Variants in PARM1 observed in about 807,000 individuals in gnomAD.
PARM1 encodes prostate androgen-regulated mucin-like protein 1.
Under a neutral mutation model 24.6 loss-of-function variants are expected in PARM1, and 14 were observed. The ratio of observed to expected loss-of-function variants is 0.57; its 90% confidence interval spans 0.38 to 0.89. The LOEUF (loss-of-function observed/expected upper bound fraction) is 0.89, where lower values mean the gene tolerates loss of function less well. PARM1 is among the 40% of genes least tolerant of loss of function. The pLI is 0.00. For synonymous variants in PARM1, 179 were observed against 156.6 expected (o/e 1.14, Z -1.07); for missense variants, 362 against 380.4 (o/e 0.95, Z 0.40).
chr4:74,961,212 A>G (rs962217888), intron 1 of PARM1, among the ~76,000 whole-genome samples: 1 of 152,176 alleles, frequency 6.6e-6, no homozygotes. Context: ...TGAAGAAGGA[A>G]TCTGTGAACT....
chr4:75,001,071 T>A (rs368821048), intron 1 of PARM1, among the ~76,000 whole-genome samples: 1 of 152,212 alleles, frequency 6.6e-6, no homozygotes, highest in Non-Finnish European at 1.5e-5. Context: ...AAGATGGAGA[T>A]ATAATATTTC....
chr4:75,044,743 C>T (rs1386117237), intron 3 of PARM1, among the ~76,000 whole-genome samples: 2 of 143,034 alleles, frequency 1.4e-5, no homozygotes, highest in African/African-American at 5.4e-5. Context: ...GAGCAATTTA[C>T]AAAAGAAAGA....
intron 1 of PARM1, among the ~76,000 whole-genome samples, chr4:74,982,187 T>C (rs1371716436): frequency 1.3e-5 from 2 of 152,162 alleles, no homozygotes; most frequent in African/African-American, 2.4e-5. Flanking sequence ...TGCAAACTAA[T>C]GCAGGAACAG....
intron 1 of PARM1, among the ~76,000 whole-genome samples, chr4:74,977,584 G>A (rs1722163766): frequency 6.6e-6 from 1 of 152,108 alleles, no homozygotes; most frequent in Non-Finnish European, 1.5e-5. Context: ...TAGCAAGACA[G>A]GCCAACATTC....
intron 2 of PARM1, among the ~76,000 whole-genome samples, chr4:75,030,946 G>T (rs989816989): frequency 6.6e-6 from 1 of 152,208 alleles, no homozygotes; most frequent in Non-Finnish European, 1.5e-5. Context: ...AACTCAGGGG[G>T]AAATGGCATT....
At chr4:75,014,366 A>G (rs1722937049) in intron 2 of PARM1, among the ~76,000 whole-genome samples, 1 of 152,200 alleles carries the variant, frequency 6.6e-6, no homozygotes, top group South Asian at 2.1e-4. Flanking sequence ...AAAGATAGAC[A>G]CTGAGACTGG....
intron 1 of PARM1, chr4:74,969,829 A>G (rs979214279): frequency 1.3e-5 from 2 of 152,214 alleles, no homozygotes; most frequent in African/African-American, 4.8e-5. Context: ...ATAAGAATAA[A>G]GTAGCCAAGG....
intron 1 of PARM1, chr4:74,965,482 C>T (rs1721880049): frequency 6.6e-6 from 1 of 152,190 alleles, no homozygotes; most frequent in Admixed American, 6.5e-5. Flanking sequence ...TTAACTTGTG[C>T]TCTGTTATAT....
chr4:74,948,181 T>C (rs1721444423), intron 1 of PARM1, among the ~76,000 whole-genome samples: 1 of 152,218 alleles, frequency 6.6e-6, no homozygotes, highest in Admixed American at 6.5e-5. Context: ...AGAGGTCATG[T>C]CTTAGCTTCA....
chr4:74,946,116 G>C (rs1327196151), intron 1 of PARM1, among the ~76,000 whole-genome samples: 1 of 152,170 alleles, frequency 6.6e-6, no homozygotes. Context: ...ACTCTAGAAA[G>C]TACGCAGTAC....
At chr4:75,027,422 T>A (rs966322189) in intron 2 of PARM1, among the ~76,000 whole-genome samples, 1 of 151,990 alleles carries the variant, frequency 6.6e-6, no homozygotes, top group Non-Finnish European at 1.5e-5. Flanking sequence ...AGAATGGGCA[T>A]GAAATCCAAG....
rs748341084 is a variant in PARM1 at position 75,033,913 on chromosome 4, T to C, written c.800T>C (p.Ile267Thr). 6.2e-7 allele frequency: 1 copy of C among 1,605,038 alleles called. No homozygotes were observed. Among genetic ancestry groups the C allele is most frequent in the East Asian group, 2.2e-5 (1 of 44,682 alleles). The change falls in exon 3 of 4, where the codon ATT (isoleucine) becomes ACT (threonine). Residue 267 changes from isoleucine (I) to threonine (T), a missense_variant. Coordinates refer to ENST00000307428, the MANE Select transcript of PARM1 (RefSeq NM_015393.4). ...ATCGCCGCCATTACCGTGACAGTCA[T>C]TGCCGTGGTGCTGCTGGTGTTTGGA... Reference protein sequence around the residue: ...GSIAAITVTVIAVVLLVFGVA... With the variant: ...GSIAAITVTVTAVVLLVFGVA...
intron 3 of PARM1, among the ~76,000 whole-genome samples, chr4:75,036,911 A>G (rs1723383039): frequency 6.6e-6 from 1 of 152,194 alleles, no homozygotes; most frequent in South Asian, 2.1e-4. Flanking sequence ...AAACTTAAGA[A>G]TGGATACAGT....
rs1168051268 is a variant in PARM1, at chr4:75,018,908, C to T, written c.769+5758C>T. 3.3e-5 allele frequency among the ~76,000 whole-genome samples: 5 copies of T among 152,278 alleles called. No homozygotes were observed. In the East Asian group the frequency reaches 5.8e-4, roughly 18 times the overall value. On this transcript the variant is annotated intron_variant, in intron 2 of 3. Transcript: ENST00000307428. ...TTCCTTTCACAATGCCCATCCTACC[C>T]GAATTAGTAGAGACACAGAGTTGGG... is the stretch of plus-strand genomic sequence containing the variant.
intron 1 of PARM1, among the ~76,000 whole-genome samples, chr4:75,006,555 G>C (rs1722773479): frequency 6.6e-6 from 1 of 152,054 alleles, no homozygotes; most frequent in African/African-American, 2.4e-5. Context: ...ATGGACATTT[G>C]GGTTGGTTCC....
chr4:74,973,386 A>G (rs1216486861), intron 1 of PARM1, among the ~76,000 whole-genome samples: 2 of 152,224 alleles, frequency 1.3e-5, no homozygotes, highest in African/African-American at 4.8e-5. Context: ...AAATGATCTC[A>G]GCATATAAAA....
chr4:75,046,230 C>T lies in PARM1; in HGVS notation c.916C>T (p.Leu306=), dbSNP rs1215134664. 7.5e-6 allele frequency: 12 copies of T among 1,609,390 alleles called. No individual in the cohort carries two copies. Among genetic ancestry groups the T allele is most frequent in the Non-Finnish European group, 1.0e-5 (12 of 1,175,820 alleles). Residue 306 remains leucine, a synonymous_variant, in exon 4 of 4, where the codon CTG becomes TTG. Transcript: ENST00000307428. The stretch of plus-strand genomic sequence containing the variant: ...GTCCTGGGGAAACTACAACAACCCT[C>T]TGTACGATGACTCCTAACAATGGAA... ...YGSWGNYNNP[L]YDDS is the part of the protein sequence containing the mutation.
chr4:74,940,743 T>C (rs1352897180), intron 1 of PARM1, among the ~76,000 whole-genome samples: 2 of 152,242 alleles, frequency 1.3e-5, no homozygotes. Flanking sequence ...CTCCATACTA[T>C]AGGACTCTTG....
intron 1 of PARM1, among the ~76,000 whole-genome samples, chr4:74,997,114 CT>C (rs1459391460): frequency 6.6e-6 from 1 of 152,188 alleles, no homozygotes; most frequent in African/African-American, 2.4e-5. Context: ...CTGCAGAGAC[CT>C]GACTCACAGC....
Sources: allele counts gnomAD v4.1 joint callset (sites outside exome capture counted in the v4.1 genomes callset), GRCh38; gene constraint gnomAD v4.1.1; transcripts MANE v1.5; gene names NCBI Gene and HGNC (gene_info 2026-07-23, HGNC 2026-07-21).